Variants in IGF2R observed in about 807,000 individuals in gnomAD.
IGF2R encodes insulin like growth factor 2 receptor.
In IGF2R, 91 loss-of-function variants were observed where a neutral mutation model predicts 270.6. The ratio of observed to expected loss-of-function variants is 0.34; its 90% CI spans 0.28 to 0.40. The LOEUF is 0.40. Among genes scored for constraint, IGF2R ranks in the 10% least tolerant of loss-of-function variants. The pLI is 1.00. For synonymous variants in IGF2R, 1,316 were observed against 1,258.9 expected (o/e 1.05, Z -0.96); for missense variants, 2,805 against 3,188.3 (o/e 0.88, Z 2.90).
chr6:160,007,565 G>C (rs1175414870), intron 2 of IGF2R: 2 of 152,196 alleles, frequency 1.3e-5, no homozygotes, highest in Non-Finnish European at 2.9e-5. Context: ...GTGTGACCTA[G>C]ATTAGAATTT....
intron 10 of IGF2R, among the ~76,000 whole-genome samples, chr6:160,040,027 G>T (rs1343895847): frequency 6.6e-6 from 1 of 152,202 alleles, no homozygotes; most frequent in Non-Finnish European, 1.5e-5. Context: ...TAGGACCTTG[G>T]CGTGCTTCAC....
At chr6:159,975,684 T>TTTTTA (rs372803317) in intron 1 of IGF2R, among the ~76,000 whole-genome samples, 1 of 141,742 alleles carries the variant, frequency 7.1e-6, no homozygotes, top group African/African-American at 2.6e-5. Flanking sequence ...TTATATATAT[T>TTTTTA]TATATATATA....
chr6:160,043,206 T>G lies in IGF2R; in HGVS notation c.1539T>G (p.His513Gln). 1.2e-6 allele frequency: 2 copies of G among 1,614,152 alleles called. No homozygotes were observed. The highest frequency in any genetic ancestry group is 4.5e-5 in the East Asian group (2 of 44,884). Residue 513 changes from histidine (H) to glutamine (Q), a missense_variant, in exon 12 of 48, where the codon CAT becomes CAG. By Grantham distance (24) the His-to-Gln change is conservative. This residue lies in a region of IGF2R where 954 missense variants were observed against 981.1 expected (regional missense o/e 0.97). Transcript: ENST00000356956. The part of the protein sequence containing the change: ...DGSQTETEKK[H>Q]FFINICHRVL... ...GTCAGACGGAAACAGAGAAGAAGCA[T>G]TTTTTCATTAATATTTGTCACAGAG... is the stretch of plus-strand genomic sequence containing the variant.
At chr6:160,016,976 A>G (rs886530719) in intron 4 of IGF2R, among the ~76,000 whole-genome samples, 1 of 152,212 alleles carries the variant, frequency 6.6e-6, no homozygotes, top group Non-Finnish European at 1.5e-5. Context: ...GTGTTATAGC[A>G]CCCTGAAGGA....
chr6:160,069,903 G>C lies in IGF2R; in HGVS notation c.4288G>C (p.Gly1430Arg). 6.2e-7 allele frequency: 1 copy of C among 1,614,186 alleles called. No individual in the cohort carries two copies. The highest frequency in any genetic ancestry group is 1.1e-5 in the South Asian group (1 of 91,080). ...CPPEAAACLL[G>R]GSKPVNLGRV... Reference sequence around the variant, plus strand: ...TCCAGAAGCAGCCGCGTGTCTGCTGGGTGGCTCCAAGCCCGTGAACCTCGG... The same window carrying C: ...TCCAGAAGCAGCCGCGTGTCTGCTGCGTGGCTCCAAGCCCGTGAACCTCGG... Residue 1430 changes from glycine (G) to arginine (R), a missense_variant, in exon 31 of 48, where the codon GGT (glycine) becomes CGT (arginine). Transcript: ENST00000356956.
At chr6:160,093,778 G>C (rs984770239) in intron 44 of IGF2R, 1 of 745,258 alleles carries the variant, frequency 1.3e-6, no homozygotes, top group African/African-American at 1.7e-5. Flanking sequence ...TATATGATTT[G>C]GATAAAGATA....
intron 45 of IGF2R, among the ~76,000 whole-genome samples, chr6:160,098,245 G>A (rs894098765): frequency 4.6e-5 from 7 of 152,110 alleles, no homozygotes; most frequent in African/African-American, 1.4e-4. Flanking sequence ...GAAAAGCACT[G>A]TTTATAGGGC....
chr6:160,079,666 C>A lies in IGF2R; in HGVS notation c.5565C>A (p.Val1855=). 1 of 1,566,330 alleles carries A rather than the reference C, an allele frequency of 6.4e-7. No homozygotes were observed. Among genetic ancestry groups the A allele is most frequent in the Non-Finnish European group, 8.6e-7 (1 of 1,156,708 alleles). Residue 1855 remains valine (V), a synonymous_variant, in exon 38 of 48, where the codon GTC becomes GTA. Coordinates refer to ENST00000356956, the MANE Select transcript of IGF2R (RefSeq NM_000876.4). ...PEQGGCKDGG[V]CLLSGTKGAS... Reference sequence around the variant, plus strand: ...AAGGAGGCTGTAAGGACGGAGGAGTCTGTCTGCTCTCAGGCACCAAGGGGG... The same window carrying A: ...AAGGAGGCTGTAAGGACGGAGGAGTATGTCTGCTCTCAGGCACCAAGGGGG...
intron 39 of IGF2R, 92 bp downstream of exon 39, chr6:160,080,367 C>T (rs533741486): frequency 2.5e-5 from 31 of 1,240,614 alleles, no homozygotes; most frequent in Middle Eastern, 5.2e-4. Context: ...ATGCCCCAGT[C>T]AGTGGCAGGA....
At position 160,105,846 on chromosome 6, in the gene IGF2R, G is replaced by T. The variant is rs1334049777; in HGVS notation, c.*762G>T. ...AAGCCTGGGCGTACAGAGCACATTT[G>T]TCAGTATTTTTGCCGGCTGGTGAAT... On this transcript the variant is annotated 3_prime_UTR_variant, in exon 48 of 48. Coordinates refer to ENST00000356956, the MANE Select transcript of IGF2R (RefSeq NM_000876.4). 6.6e-6 allele frequency: 1 copy of T among 152,240 alleles called. No individual in the cohort carries two copies. Among genetic ancestry groups the T allele is most frequent in the Non-Finnish European group, 1.5e-5 (1 of 68,054 alleles). 9.4% of individuals were successfully genotyped at this position (152,240 alleles called of 1,614,324 possible). A position where few individuals can be genotyped will look rare whatever the true frequency, so the allele number is the denominator to read the frequency against.
intron 1 of IGF2R, among the ~76,000 whole-genome samples, chr6:159,973,923 T>C (rs1783650199): frequency 6.6e-6 from 1 of 152,228 alleles, no homozygotes; most frequent in African/African-American, 2.4e-5. Context: ...GAGAGTAGCT[T>C]ATCACTTTGC....
At position 160,078,348 on chromosome 6, in the gene IGF2R, A is replaced by T. The variant is rs775987437; in HGVS notation, c.5464A>T (p.Thr1822Ser). The change falls in exon 37 of 48, where the codon ACG becomes TCG. Residue 1822 changes from threonine (T) to serine (S), a missense_variant. Physicochemically the swap from Thr to Ser is moderately conservative, Grantham distance 58. This residue lies in a region of IGF2R where 1,851 missense variants were observed against 2,207.2 expected (regional missense o/e 0.84). Coordinates refer to ENST00000356956, the MANE Select transcript of IGF2R (RefSeq NM_000876.4). ...CAGCTTCAACTTGTCCAGCCTTTCC[A>T]CGAGCACCTTTAAGGTAATGCGTTC... is the stretch of plus-strand genomic sequence containing the variant. ...LYSFNLSSLS[T>S]STFKVTRDSR... 1 of 1,614,132 alleles carries T rather than the reference A, an allele frequency of 6.2e-7. No homozygotes were observed. Among genetic ancestry groups the T allele is most frequent in the South Asian group, 1.1e-5 (1 of 91,080 alleles).
intron 20 of IGF2R, among the ~76,000 whole-genome samples, chr6:160,057,689 G>A (rs186818141): frequency 1.4e-4 from 22 of 152,312 alleles, no homozygotes; most frequent in Admixed American, 1.4e-3. Flanking sequence ...GATTTCTTAA[G>A]ATGTTTATTT....
chr6:160,001,997 C>G (rs1424674234), intron 2 of IGF2R, among the ~76,000 whole-genome samples: 3 of 152,000 alleles, frequency 2.0e-5, no homozygotes, highest in Non-Finnish European at 4.4e-5. Context: ...TGATGGGAAG[C>G]TTTACCAGAA....
Position 160,016,938 on chromosome 6 carries a change from A to T in IGF2R, c.513+6153A>T, listed in dbSNP as rs574019300. Among the ~76,000 whole-genome samples, 45 of 152,374 alleles carry T rather than the reference A, an allele frequency of 3.0e-4. 1 individual carries two copies. In the South Asian group the frequency reaches 9.1e-3, roughly 31 times the overall value. On this transcript the variant is annotated intron_variant, in intron 4 of 47. Transcript: ENST00000356956. ...TCTCTAGATGAGAAGGAAGCAGGGT[A>T]ACAATTCTGGAAATATGAAAAAGCA... is the stretch of plus-strand genomic sequence containing the variant.
At position 160,071,418 on chromosome 6, in the gene IGF2R, A is replaced by C. The variant is rs929712813; in HGVS notation, c.4444-492A>C. 3.3e-5 allele frequency among the ~76,000 whole-genome samples: 5 copies of C among 152,202 alleles called. No individual in the cohort carries two copies. The East Asian group carries it at 9.6e-4, about 29-fold the overall frequency. On this transcript the variant is annotated intron_variant, in intron 31 of 47. Coordinates refer to ENST00000356956, the MANE Select transcript of IGF2R (RefSeq NM_000876.4). The stretch of plus-strand genomic sequence containing the variant: ...GCTGAACTCATCATGCTAACTCTGC[A>C]GTGGACATGAAGCGTTTTGAGATGA...
At chr6:159,979,554 G>A (rs1783747352) in intron 1 of IGF2R, among the ~76,000 whole-genome samples, 2 of 152,238 alleles carry the variant, frequency 1.3e-5, no homozygotes, top group Non-Finnish European at 2.9e-5. Flanking sequence ...TGCGGAGGGA[G>A]AGGAGAGCTG....
At position 160,099,331 on chromosome 6, in the gene IGF2R, TTTATGTTATGTTATGTTATG is replaced by T. The variant is rs56981943; in HGVS notation, c.6842+2736_6842+2755del. On this transcript the variant is annotated intron_variant, in intron 45 of 47. Coordinates refer to ENST00000356956, the MANE Select transcript of IGF2R (RefSeq NM_000876.4). ...ATGAAACCAGTTTTTTTTCCTCAGC[TTTATGTTATGTTATGTTATG>T]TTATGTTATGTTATGTTATGTTATG... Among the ~76,000 whole-genome samples, 95 of 149,138 alleles carry T rather than the reference TTTATGTTATGTTATGTTATG, an allele frequency of 6.4e-4. 1 individual carries two copies. Among genetic ancestry groups the T allele is most frequent in the African/African-American group, 1.7e-3 (70 of 40,252 alleles).
At chr6:160,076,597 G>C (rs533089487) in intron 36 of IGF2R, among the ~76,000 whole-genome samples, 1 of 152,170 alleles carries the variant, frequency 6.6e-6, no homozygotes, top group African/African-American at 2.4e-5. Flanking sequence ...ATTCCACAGG[G>C]ACTCAGAGTA....
Sources: allele counts gnomAD v4.1 joint callset (sites outside exome capture counted in the v4.1 genomes callset), GRCh38; gene constraint gnomAD v4.1.1; regional missense constraint gnomAD v4.1.1; transcripts MANE v1.5; gene names NCBI Gene and HGNC (gene_info 2026-07-23, HGNC 2026-07-21).